Variants in SLC25A14 observed in about 807,000 individuals in gnomAD.
The protein encoded by SLC25A14 is brain mitochondrial carrier protein 1.
SLC25A14 carries 8 observed loss-of-function variants against 28.1 expected under a neutral mutation model. That is an observed-to-expected ratio of 0.28 (90% CI 0.17 to 0.51). The LOEUF is 0.51. SLC25A14 is among the 20% of genes least tolerant of loss of function. SLC25A14 has a pLI of 0.97. For synonymous variants in SLC25A14, 74 were observed against 90.6 expected, an observed-to-expected ratio of 0.82 and a Z score of 1.04; for missense variants, 135 against 263.8, an observed-to-expected ratio of 0.51 and a Z score of 3.38.
intron 9 of SLC25A14, among the ~76,000 whole-genome samples, chrX:130,366,927 T>C (rs947814794): frequency 1.8e-5 from 2 of 111,743 alleles, no homozygotes; most frequent in African/African-American, 6.5e-5. Context: ...GACTGCAATG[T>C]TCACCTAAGG....
At chrX:130,363,089 G>A (rs749466761) in intron 7 of SLC25A14, among the ~76,000 whole-genome samples, 70 of 112,155 alleles carry the variant, frequency 6.2e-4, no homozygotes, top group Non-Finnish European at 1.2e-3. Flanking sequence ...TAAAGTATAC[G>A]ATTTAATTGT....
chrX:130,364,509 C>T (rs1160031286), intron 7 of SLC25A14, 119 bp from the exon 8 acceptor site: 3 of 429,268 alleles, frequency 7.0e-6, no homozygotes, highest in South Asian at 8.2e-5. Context: ...GAAAGAGTGA[C>T]GTCTGTACTT....
At position 130,357,484 on chromosome X, in the gene SLC25A14, G is replaced by A. The variant is rs1273403929; in HGVS notation, c.499-1156G>A. Among the ~76,000 whole-genome samples the A allele has an allele frequency of 2.7e-5, 3 of 111,841 alleles. No individual in the cohort carries two copies. The Admixed American group carries it at 2.9e-4, about 11-fold the overall frequency. ...CTCACGCTAGCCCCTCTGTTGTCAGGAATCACCTCCTTAAAGAAGTGTTCT... is the reference window on the plus strand; with the variant it reads ...CTCACGCTAGCCCCTCTGTTGTCAGAAATCACCTCCTTAAAGAAGTGTTCT... On this transcript the variant is annotated intron_variant, in intron 6 of 10. Transcript: ENST00000545805.
At chrX:130,360,212 G>A (rs1288613213) in intron 7 of SLC25A14, among the ~76,000 whole-genome samples, 1 of 109,179 alleles carries the variant, frequency 9.2e-6, no homozygotes, top group African/African-American at 3.3e-5. Flanking sequence ...CTTATAAAGT[G>A]TTTCCTCATT....
chrX:130,347,830 G>C (rs939649180), intron 4 of SLC25A14, among the ~76,000 whole-genome samples: 2 of 111,456 alleles, frequency 1.8e-5, no homozygotes, highest in African/African-American at 6.5e-5. Flanking sequence ...TACTGTTTTT[G>C]TCTGGTTTTG....
intron 6 of SLC25A14, among the ~76,000 whole-genome samples, chrX:130,354,713 A>G (rs1186606404): frequency 4.5e-5 from 5 of 111,843 alleles, no homozygotes; most frequent in Non-Finnish European, 9.4e-5. Context: ...ATTGGAACAC[A>G]GCCACCCCAT....
Position 130,373,218 on chromosome X carries a change from G to C in SLC25A14, c.*268G>C. ...AAGATGGATACTGATGGGTGACATT[G>C]AAAACGGCCTGCTTTCCAAATGTGG... On this transcript the variant is annotated 3_prime_UTR_variant, in exon 11 of 11. Coordinates refer to ENST00000545805, the MANE Select transcript of SLC25A14 (RefSeq NM_001282195.2). The C allele has an allele frequency of 3.2e-6, 1 of 311,292 alleles. No individual in the cohort carries two copies. Among genetic ancestry groups the C allele is most frequent in the Non-Finnish European group, 5.5e-6 (1 of 182,377 alleles). The allele number at this position is 311,292 out of a possible 1,213,427, so 25.7% of individuals were successfully genotyped here.
chrX:130,362,183 C>T (rs1021208033), intron 7 of SLC25A14, among the ~76,000 whole-genome samples: 5 of 108,450 alleles, frequency 4.6e-5, no homozygotes, highest in Non-Finnish European at 9.5e-5. Flanking sequence ...TGTTGCCAGG[C>T]TGGAGTGCAG....
At chrX:130,342,645 C>T (rs1334521237) in intron 2 of SLC25A14, among the ~76,000 whole-genome samples, 1 of 110,666 alleles carries the variant, frequency 9.0e-6, no homozygotes, top group Admixed American at 9.6e-5. Flanking sequence ...TTTTTCCTAA[C>T]ATTGGAGTGA....
At chrX:130,341,380 T>C (rs746966905) in intron 2 of SLC25A14, among the ~76,000 whole-genome samples, 2 of 112,792 alleles carry the variant, frequency 1.8e-5, no homozygotes, top group Non-Finnish European at 3.7e-5. Context: ...GTGGTAAATA[T>C]TGTCTTGGTG....
chrX:130,347,975 C>T (rs2033494772), intron 4 of SLC25A14, among the ~76,000 whole-genome samples: 1 of 104,711 alleles, frequency 9.6e-6, no homozygotes, highest in East Asian at 3.0e-4. Flanking sequence ...GGGGCTATTT[C>T]TTTTTGGGGA....
chrX:130,367,679 C>T (rs1023106447), intron 9 of SLC25A14, among the ~76,000 whole-genome samples: 1 of 112,059 alleles, frequency 8.9e-6, no homozygotes, highest in Non-Finnish European at 1.9e-5. Flanking sequence ...TTGCCTGGGG[C>T]AGCAATTCTC....
intron 3 of SLC25A14, 61 bp from the exon 4 acceptor site, chrX:130,346,483 T>G: frequency 9.9e-7 from 1 of 1,012,940 alleles, no homozygotes; most frequent in Non-Finnish European, 1.4e-6. Context: ...TGGCTTATAT[T>G]TAGCAACAAC....
chrX:130,353,496 C>G (rs1484440056), intron 6 of SLC25A14, among the ~76,000 whole-genome samples: 1 of 111,761 alleles, frequency 8.9e-6, no homozygotes, highest in Non-Finnish European at 1.9e-5. Flanking sequence ...GTTTGACAAG[C>G]CCTTCAAGTG....
chrX:130,363,410 C>T (rs2034028969), intron 7 of SLC25A14, among the ~76,000 whole-genome samples: 2 of 112,256 alleles, frequency 1.8e-5, no homozygotes, highest in Non-Finnish European at 3.8e-5. Context: ...ATATTAATTC[C>T]ATTGTGTGGG....
At chrX:130,370,847 T>A (rs1374387965) in intron 9 of SLC25A14, among the ~76,000 whole-genome samples, 6 of 112,389 alleles carry the variant, frequency 5.3e-5, no homozygotes, top group Admixed American at 2.8e-4. Flanking sequence ...GTGTAACAAA[T>A]TACTCCAAAA....
At chrX:130,343,489 C>T (rs780873051) in intron 2 of SLC25A14, among the ~76,000 whole-genome samples, 1 of 112,052 alleles carries the variant, frequency 8.9e-6, no homozygotes, top group Non-Finnish European at 1.9e-5. Flanking sequence ...CTATCCCAGA[C>T]TCTATATGTG....
chrX:130,345,817 GT>G (rs2033417831), intron 3 of SLC25A14, among the ~76,000 whole-genome samples: 1 of 111,021 alleles, frequency 9.0e-6, no homozygotes, highest in South Asian at 3.8e-4. Context: ...CTGTGGTGTT[GT>G]GATATTTGGG....
chrX:130,341,173 C>T (rs1288536539), intron 2 of SLC25A14, among the ~76,000 whole-genome samples: 1 of 112,239 alleles, frequency 8.9e-6, no homozygotes, highest in East Asian at 2.8e-4. Context: ...TCAAATTAGT[C>T]AATCCCATGC....
Sources: allele counts gnomAD v4.1 joint callset (sites outside exome capture counted in the v4.1 genomes callset), GRCh38; gene constraint gnomAD v4.1.1; transcripts MANE v1.5; gene names NCBI Gene and HGNC (gene_info 2026-07-23, HGNC 2026-07-21).